Variants in RBFOX1 observed in about 807,000 individuals in gnomAD.
RBFOX1 encodes RNA binding fox-1 homolog 1, also known as RNA binding protein fox-1 homolog 1.
A neutral mutation model predicts 57.7 loss-of-function variants in RBFOX1; 8 were observed. The observed-to-expected ratio is 0.14, with a 90% CI of 0.08 to 0.25. RBFOX1 has a LOEUF of 0.25. RBFOX1 is among the 10% of genes least tolerant of loss of function. RBFOX1 has a pLI of 1.00. For missense variants in RBFOX1, 611 were observed against 548.5 expected, an observed-to-expected ratio of 1.11 and a Z score of -1.14; for synonymous variants, 326 against 222.4, an observed-to-expected ratio of 1.47 and a Z score of -4.15.
chr16:7,460,370 A>AAAAAAAAAAT (rs1251870828), intron 4 of RBFOX1, among the ~76,000 whole-genome samples: 13 of 76,032 alleles, frequency 1.7e-4, no homozygotes, highest in African/African-American at 8.2e-4. Flanking sequence ...CATTTAGCAA[A>AAAAAAAAAAT]ATATATATAT....
At chr16:6,113,105 C>G (rs928276261) in intron 1 of RBFOX1, among the ~76,000 whole-genome samples, 1 of 152,130 alleles carries the variant, frequency 6.6e-6, no homozygotes, top group African/African-American at 2.4e-5. Context: ...CATGTGAGTG[C>G]TATGTGGCTA....
At chr16:6,903,076 C>A (rs1028246654) in intron 3 of RBFOX1, among the ~76,000 whole-genome samples, 4 of 152,132 alleles carry the variant, frequency 2.6e-5, no homozygotes, top group African/African-American at 9.6e-5. Context: ...GTTGGAGCAA[C>A]CTGACTCAGG....
chr16:6,015,142 C>T (rs1190974177), upstream of RBFOX1, among the ~76,000 whole-genome samples: 1 of 152,170 alleles, frequency 6.6e-6, no homozygotes, highest in East Asian at 1.9e-4. Flanking sequence ...CAGGTATGAG[C>T]AAGAGCCACC....
At chr16:7,298,293 T>G (rs200698795) in intron 4 of RBFOX1, among the ~76,000 whole-genome samples, 2,204 of 146,050 alleles carry the variant, frequency 0.015, 34 homozygotes, top group Non-Finnish European at 0.025. Flanking sequence ...TTGTTTTTTT[T>G]TTTTTTTTTT....
intron 3 of RBFOX1, among the ~76,000 whole-genome samples, chr16:6,947,649 C>T (rs1010554471): frequency 6.6e-6 from 1 of 152,216 alleles, no homozygotes; most frequent in Non-Finnish European, 1.5e-5. Context: ...GATTTAAGTT[C>T]TGTTCTATCG....
intron 4 of RBFOX1, among the ~76,000 whole-genome samples, chr16:7,313,863 C>T (rs2096377698): frequency 6.6e-6 from 1 of 152,276 alleles, no homozygotes; most frequent in East Asian, 1.9e-4. Flanking sequence ...ATGTCCTCCT[C>T]CTCACTGTGC....
rs117876999 is a variant in RBFOX1, at chr16:5,938,140, C to T, written c.351+70805C>T. Among the ~76,000 whole-genome samples, 103 of 152,166 alleles carry T rather than the reference C, an allele frequency of 6.8e-4. 1 individual carries two copies. Among genetic ancestry groups the T allele is most frequent in the Admixed American group, 1.4e-3 (21 of 15,274 alleles). On this transcript the variant is annotated intron_variant, in intron 4 of 19. Coordinates refer to the RBFOX1 transcript ENST00000641259. ...CTTCTCCTTTTCTTTTCTTTGCTTC[C>T]GTACTTTACACAGAAAACCTGGAAC... is the stretch of plus-strand genomic sequence containing the variant.
At chr16:6,710,288 CT>C (rs1319212376) in intron 3 of RBFOX1, among the ~76,000 whole-genome samples, 7 of 152,152 alleles carry the variant, frequency 4.6e-5, no homozygotes, top group African/African-American at 7.2e-5. Flanking sequence ...ATGATTAAAG[CT>C]GCATATGTAC....
chr16:5,967,220 A>G (rs2059864495), intron 4 of RBFOX1, among the ~76,000 whole-genome samples: 1 of 152,194 alleles, frequency 6.6e-6, no homozygotes, highest in Admixed American at 6.6e-5. Context: ...GGACTAGACC[A>G]GAGGTCTGAA....
intron 3 of RBFOX1, among the ~76,000 whole-genome samples, chr16:5,736,336 A>G (rs570745655): frequency 1.3e-5 from 2 of 152,272 alleles, no homozygotes; most frequent in East Asian, 1.9e-4. Flanking sequence ...GTCACTATCT[A>G]TAGCGACCCC....
At chr16:6,454,616 C>T (rs760371583) in intron 2 of RBFOX1, among the ~76,000 whole-genome samples, 44 of 152,040 alleles carry the variant, frequency 2.9e-4, no homozygotes, top group Non-Finnish European at 4.7e-4. Context: ...AATAAATGTC[C>T]GTGTTATTTA....
At chr16:5,334,807 T>G (rs1281903222) in intron 1 of RBFOX1, among the ~76,000 whole-genome samples, 2 of 151,452 alleles carry the variant, frequency 1.3e-5, no homozygotes, top group African/African-American at 4.8e-5. Context: ...AAGCTTAAAG[T>G]TGGACAATGA....
intron 4 of RBFOX1, among the ~76,000 whole-genome samples, chr16:7,168,593 A>G (rs2080050666): frequency 6.6e-6 from 1 of 152,170 alleles, no homozygotes; most frequent in Non-Finnish European, 1.5e-5. Context: ...TTTTTCTGGT[A>G]TTCTTGGTTT....
At chr16:5,477,390 C>T (rs576113234) in intron 2 of RBFOX1, among the ~76,000 whole-genome samples, 20 of 152,234 alleles carry the variant, frequency 1.3e-4, no homozygotes, top group African/African-American at 3.4e-4. Context: ...GATTATCTCA[C>T]GACCAATCAA....
intron 1 of RBFOX1, among the ~76,000 whole-genome samples, chr16:6,306,544 G>A (rs1205651001): frequency 6.6e-6 from 1 of 152,160 alleles, no homozygotes; most frequent in East Asian, 1.9e-4. Context: ...TGTGTGCCAG[G>A]CCAGCTCCAG....
At chr16:6,268,094 C>G (rs1028047700) in intron 1 of RBFOX1, among the ~76,000 whole-genome samples, 1 of 152,166 alleles carries the variant, frequency 6.6e-6, no homozygotes, top group African/African-American at 2.4e-5. Flanking sequence ...TGGGTAAACA[C>G]AAACCCTCAG....
At chr16:7,553,412 T>G (rs2087229195) in intron 5 of RBFOX1, among the ~76,000 whole-genome samples, 1 of 152,234 alleles carries the variant, frequency 6.6e-6, no homozygotes, top group South Asian at 2.1e-4. Flanking sequence ...TCCAAAGCAC[T>G]GGGATTACAG....
At chr16:6,100,962 C>T (rs983988490) in intron 1 of RBFOX1, among the ~76,000 whole-genome samples, 1 of 152,126 alleles carries the variant, frequency 6.6e-6, no homozygotes, top group Non-Finnish European at 1.5e-5. Context: ...GATTTTTTTC[C>T]GTCTCGAAAT....
intron 1 of RBFOX1, among the ~76,000 whole-genome samples, chr16:5,387,541 T>A (rs1332346471): frequency 6.6e-6 from 1 of 152,172 alleles, no homozygotes; most frequent in Non-Finnish European, 1.5e-5. Flanking sequence ...AAAGACTGCC[T>A]TTAAAGGGAA....
Sources: gnomAD v4.1 joint callset for allele counts (sites outside exome capture counted in the v4.1 genomes callset) on GRCh38, gnomAD v4.1.1 for gene constraint, MANE v1.5 for transcripts, NCBI Gene and HGNC (gene_info 2026-07-23, HGNC 2026-07-21) for gene names.